The following ADCY2 variants were observed in gnomAD, a reference collection of about 807,000 sequenced individuals.
The protein encoded by ADCY2 is adenylate cyclase 2.
In ADCY2, 31 loss-of-function variants were observed where a neutral mutation model predicts 125.2. That is an observed-to-expected ratio of 0.25 (90% CI 0.19 to 0.33). The LOEUF (loss-of-function observed/expected upper bound fraction) is 0.33. Ranked by LOEUF, ADCY2 falls within the 10% of genes least tolerant of loss-of-function variation. The pLI is 1.00. For missense variants in ADCY2, 904 were observed against 1,418.2 expected, an observed-to-expected ratio of 0.64 and a Z score of 5.82; for synonymous variants, 512 against 548.4, an observed-to-expected ratio of 0.93 and a Z score of 0.93.
intron 14 of ADCY2, among the ~76,000 whole-genome samples, chr5:7,733,623 AC>A (rs972422479): frequency 6.6e-5 from 10 of 151,264 alleles, no homozygotes; most frequent in African/African-American, 2.2e-4. Flanking sequence ...CTTCTGTTGA[AC>A]CCCCTAGAGC....
intron 1 of ADCY2, among the ~76,000 whole-genome samples, chr5:7,412,308 A>T (rs1376181052): frequency 6.6e-6 from 1 of 152,198 alleles, no homozygotes; most frequent in Admixed American, 6.5e-5. Flanking sequence ...TGGAAAAAAA[A>T]GTCATACTAG....
At chr5:7,730,282 G>C (rs1032428377) in intron 14 of ADCY2, among the ~76,000 whole-genome samples, 9 of 152,060 alleles carry the variant, frequency 5.9e-5, no homozygotes. Flanking sequence ...TCCATTCATT[G>C]GTTGATGAAT....
chr5:7,780,375 C>T (rs112013133), intron 18 of ADCY2, among the ~76,000 whole-genome samples: 19 of 152,256 alleles, frequency 1.2e-4, no homozygotes, highest in African/African-American at 4.1e-4. Flanking sequence ...TTGATACTGA[C>T]GATTCCTGAG....
intron 2 of ADCY2, among the ~76,000 whole-genome samples, chr5:7,429,120 A>G (rs1354397500): frequency 6.6e-6 from 1 of 152,128 alleles, no homozygotes; most frequent in African/African-American, 2.4e-5. Flanking sequence ...TACTGAGGCC[A>G]AAGAAAAAAG....
chr5:7,571,504 A>C (rs773904312), intron 3 of ADCY2, among the ~76,000 whole-genome samples: 1 of 152,132 alleles, frequency 6.6e-6, no homozygotes, highest in Non-Finnish European at 1.5e-5. Context: ...TCAGCCTGCT[A>C]ATTTCAGTGT....
chr5:7,412,062 G>A (rs1262941717), intron 1 of ADCY2, among the ~76,000 whole-genome samples: 2 of 149,460 alleles, frequency 1.3e-5, no homozygotes, highest in African/African-American at 2.5e-5. Context: ...GCGACAGAGC[G>A]AGACTCCGTC....
intron 18 of ADCY2, among the ~76,000 whole-genome samples, chr5:7,781,890 A>G (rs1272709016): frequency 6.6e-6 from 1 of 152,154 alleles, no homozygotes; most frequent in South Asian, 2.1e-4. Context: ...GAGAAATGTC[A>G]CTGAAACCAT....
intron 4 of ADCY2, among the ~76,000 whole-genome samples, chr5:7,673,286 A>ATATATATATATATAT (rs58505229): frequency 5.8e-4 from 31 of 53,850 alleles, no homozygotes; most frequent in East Asian, 2.4e-3. Context: ...ATATATATAT[A>ATATATATATATATAT]AAATTAGCCA....
chr5:7,716,095 A>G (rs1741583914), intron 11 of ADCY2, among the ~76,000 whole-genome samples: 1 of 152,202 alleles, frequency 6.6e-6, no homozygotes, highest in Non-Finnish European at 1.5e-5. Flanking sequence ...TGTCAAATTA[A>G]CCTTGGAGAG....
chr5:7,490,316 A>G (rs1743113972), intron 2 of ADCY2, among the ~76,000 whole-genome samples: 2 of 152,170 alleles, frequency 1.3e-5, no homozygotes, highest in Admixed American at 1.3e-4. Context: ...ACTATTTTCA[A>G]AGGAGAGTAT....
At chr5:7,619,946 T>G (rs1322491848) in intron 3 of ADCY2, among the ~76,000 whole-genome samples, 2 of 152,210 alleles carry the variant, frequency 1.3e-5, no homozygotes, top group African/African-American at 4.8e-5. Flanking sequence ...TTTCTCTTCT[T>G]GGAGGGAAAC....
At chr5:7,532,937 C>G (rs1288943142) in intron 3 of ADCY2, among the ~76,000 whole-genome samples, 4 of 151,526 alleles carry the variant, frequency 2.6e-5, no homozygotes, top group Admixed American at 1.3e-4. Flanking sequence ...GTGCTTTATT[C>G]ATGAGCTTCT....
intron 8 of ADCY2, 92 bp from the exon 9 acceptor site, chr5:7,707,614 G>A (rs1031413810): frequency 2.0e-6 from 3 of 1,479,882 alleles, no homozygotes; most frequent in Admixed American, 1.9e-5. Context: ...AACTTTAGTG[G>A]ATAAATTATT....
rs562613706 is a variant in ADCY2, at chr5:7,830,024, G to A, written c.*3153G>A. 1 of 152,224 alleles carries A rather than the reference G, an allele frequency of 6.6e-6. No homozygotes were observed. Among genetic ancestry groups the A allele is most frequent in the Admixed American group, 6.5e-5 (1 of 15,282 alleles). The allele number at this position is 152,224 out of a possible 1,614,324, so 9.4% of individuals were successfully genotyped here. Reference sequence around the variant, plus strand: ...GAGCCCAGGAAGTCCAGAACGTAGTGAGCCTTGATTATACCACTGCACTCC... The same window carrying A: ...GAGCCCAGGAAGTCCAGAACGTAGTAAGCCTTGATTATACCACTGCACTCC... On this transcript the variant is annotated 3_prime_UTR_variant, in exon 25 of 25. Transcript: ENST00000338316.
intron 3 of ADCY2, among the ~76,000 whole-genome samples, chr5:7,565,570 A>C (rs1329471053): frequency 6.6e-6 from 1 of 152,224 alleles, no homozygotes; most frequent in Non-Finnish European, 1.5e-5. Context: ...AAAGTTCAAA[A>C]AACAAAGTCA....
intron 19 of ADCY2, among the ~76,000 whole-genome samples, chr5:7,788,537 T>C (rs1454130188): frequency 6.6e-6 from 1 of 152,242 alleles, no homozygotes; most frequent in Non-Finnish European, 1.5e-5. Flanking sequence ...TGCCTTGCTA[T>C]ATGAGATAAA....
At chr5:7,672,289 C>T (rs569972952) in intron 4 of ADCY2, among the ~76,000 whole-genome samples, 1 of 152,206 alleles carries the variant, frequency 6.6e-6, no homozygotes, top group East Asian at 1.9e-4. Context: ...AGTAAAAATG[C>T]CCTTCGGATG....
chr5:7,404,819 G>C (rs749492946), intron 1 of ADCY2, among the ~76,000 whole-genome samples: 2 of 152,138 alleles, frequency 1.3e-5, no homozygotes, highest in Non-Finnish European at 2.9e-5. Flanking sequence ...TGGTTTGAAG[G>C]CTGGGGCTTG....
intron 16 of ADCY2, among the ~76,000 whole-genome samples, chr5:7,762,984 G>A (rs936858293): frequency 1.9e-5 from 1 of 52,830 alleles, no homozygotes; most frequent in African/African-American, 7.3e-5. Context: ...CTCATGTATA[G>A]CACCTATGAT....
Sources: gnomAD v4.1 joint callset for allele counts (sites outside exome capture counted in the v4.1 genomes callset) on GRCh38, gnomAD v4.1.1 for gene constraint, MANE v1.5 for transcripts, NCBI Gene and HGNC (gene_info 2026-07-23, HGNC 2026-07-21) for gene names.